Variants in RBPMS observed in about 807,000 individuals in gnomAD.
The protein encoded by RBPMS is RNA binding protein, mRNA processing factor.
RBPMS carries 7 observed loss-of-function variants against 26.8 expected under a neutral mutation model. That is an observed-to-expected ratio of 0.26 (90% CI 0.15 to 0.49). The LOEUF (loss-of-function observed/expected upper bound fraction) is 0.49, where lower values mean the gene tolerates loss of function less well. Among genes scored for constraint, RBPMS ranks in the 20% least tolerant of loss-of-function variants. The pLI, the probability that RBPMS is intolerant of heterozygous loss-of-function variation, is 0.98. For synonymous variants in RBPMS, 96 were observed against 93.3 expected (o/e 1.03, Z -0.17); for missense variants, 186 against 250.0 (o/e 0.74, Z 1.73).
At chr8:30,551,349 C>T (rs1341348064) in intron 6 of RBPMS, among the ~76,000 whole-genome samples, 2 of 152,200 alleles carry the variant, frequency 1.3e-5, no homozygotes, top group South Asian at 2.1e-4. Context: ...GTTCAGAAAC[C>T]AGAGTCGGTC....
chr8:30,567,517 CACTCACTCAA>C (rs1429427619), intron 8 of RBPMS, among the ~76,000 whole-genome samples: 1 of 152,222 alleles, frequency 6.6e-6, no homozygotes, highest in Non-Finnish European at 1.5e-5. Flanking sequence ...TAATGGTCAT[CACTCACTCAA>C]ACTTTTTTAA....
intron 6 of RBPMS, chr8:30,549,614 G>C (rs1452022666): frequency 1.3e-6 from 2 of 1,564,890 alleles, no homozygotes; most frequent in Non-Finnish European, 8.8e-7. Context: ...ACCTGGCTTA[G>C]CTCTCACAGG....
chr8:30,463,392 C>T (rs1350365281), intron 1 of RBPMS, among the ~76,000 whole-genome samples: 1 of 152,228 alleles, frequency 6.6e-6, no homozygotes, highest in Non-Finnish European at 1.5e-5. Flanking sequence ...GGGAGATCTG[C>T]TTCTAAGATG....
chr8:30,529,259 C>G (rs970348580), intron 5 of RBPMS, among the ~76,000 whole-genome samples: 2 of 151,800 alleles, frequency 1.3e-5, no homozygotes, highest in Non-Finnish European at 2.9e-5. Flanking sequence ...TGACATAAAC[C>G]TGCCATTTTT....
intron 5 of RBPMS, among the ~76,000 whole-genome samples, chr8:30,531,273 A>C (rs1824198416): frequency 6.6e-6 from 1 of 152,106 alleles, no homozygotes; most frequent in Non-Finnish European, 1.5e-5. Context: ...TTAGGGAGGG[A>C]AGAAACCCCA....
At chr8:30,534,091 G>A (rs974931924) in intron 5 of RBPMS, among the ~76,000 whole-genome samples, 1 of 151,028 alleles carries the variant, frequency 6.6e-6, no homozygotes, top group Middle Eastern at 3.2e-3. Flanking sequence ...CCGAAATTGC[G>A]CCACTGACTC....
chr8:30,530,199 T>C lies in RBPMS; in HGVS notation c.398-14295T>C, dbSNP rs180726550. 1.4e-4 allele frequency among the ~76,000 whole-genome samples: 22 copies of C among 152,294 alleles called. No homozygotes were observed. The East Asian group carries it at 1.9e-3, about 13-fold the overall frequency. ...GAGCCCAAGTTTTAACTGGAATGTATATTACAACACAAGCTGAGAACCACC... is the reference window on the plus strand; with the variant it reads ...GAGCCCAAGTTTTAACTGGAATGTACATTACAACACAAGCTGAGAACCACC... On this transcript the variant is annotated intron_variant, in intron 5 of 8. Transcript: ENST00000397323.
chr8:30,511,619 A>G (rs903031026), intron 5 of RBPMS, among the ~76,000 whole-genome samples: 5 of 149,014 alleles, frequency 3.4e-5, no homozygotes, highest in South Asian at 2.1e-4. Context: ...ATATATTTGT[A>G]TATATATGTG....
At chr8:30,459,467 T>C (rs1324518097) in intron 1 of RBPMS, among the ~76,000 whole-genome samples, 1 of 152,160 alleles carries the variant, frequency 6.6e-6, no homozygotes, top group African/African-American at 2.4e-5. Context: ...TTGTACAGTT[T>C]AAATAAATAT....
chr8:30,426,141 A>T (rs1440558819), intron 1 of RBPMS, among the ~76,000 whole-genome samples: 1 of 152,188 alleles, frequency 6.6e-6, no homozygotes, highest in African/African-American at 2.4e-5. Flanking sequence ...AGATGTGAGG[A>T]TTTTGACAGA....
At chr8:30,481,746 G>A (rs191910640) in intron 4 of RBPMS, among the ~76,000 whole-genome samples, 1 of 152,308 alleles carries the variant, frequency 6.6e-6, no homozygotes, top group East Asian at 1.9e-4. Flanking sequence ...GCCCAAAGCT[G>A]ACTTACATAA....
intron 5 of RBPMS, among the ~76,000 whole-genome samples, chr8:30,511,486 AAT>A (rs869100800): frequency 3.0e-4 from 7 of 23,574 alleles, no homozygotes; most frequent in South Asian, 8.8e-4. Flanking sequence ...AAAAAAAAAA[AAT>A]ATATATATAT....
intron 4 of RBPMS, among the ~76,000 whole-genome samples, chr8:30,501,964 A>G (rs939959231): frequency 1.3e-5 from 2 of 151,938 alleles, no homozygotes; most frequent in African/African-American, 4.8e-5. Flanking sequence ...TCATCCCTTA[A>G]CATTTAAAAT....
At chr8:30,507,094 C>T (rs989546600) in intron 5 of RBPMS, among the ~76,000 whole-genome samples, 1 of 152,104 alleles carries the variant, frequency 6.6e-6, no homozygotes, top group Non-Finnish European at 1.5e-5. Context: ...TCTATTTGTG[C>T]CAGGGATGGA....
At chr8:30,540,652 G>A (rs1187149538) in intron 5 of RBPMS, among the ~76,000 whole-genome samples, 1 of 152,186 alleles carries the variant, frequency 6.6e-6, no homozygotes, top group African/African-American at 2.4e-5. Context: ...TCAAATCCTG[G>A]GTCCAAGCGA....
At chr8:30,478,494 G>C (rs937539431) in intron 3 of RBPMS, among the ~76,000 whole-genome samples, 1 of 149,430 alleles carries the variant, frequency 6.7e-6, no homozygotes. Context: ...GCCTAATTAA[G>C]AATATGATTT....
chr8:30,470,256 C>T (rs944100113), intron 1 of RBPMS, among the ~76,000 whole-genome samples: 1 of 151,840 alleles, frequency 6.6e-6, no homozygotes, highest in African/African-American at 2.4e-5. Flanking sequence ...TGGTGGTGGG[C>T]ACCTGTAATC....
intron 1 of RBPMS, chr8:30,444,634 A>T (rs1473080538): frequency 6.6e-6 from 1 of 152,182 alleles, no homozygotes; most frequent in Non-Finnish European, 1.5e-5. Flanking sequence ...CTACATAAGT[A>T]TCTGTGTGTA....
Position 30,479,368 on chromosome 8 carries a change from TG to T in RBPMS, c.238del (p.Ala80LeufsTer2). The part of the protein sequence containing the change: ...SRSEAEAAKN[A>X]LNGIRFDPEI... The stretch of plus-strand genomic sequence containing the variant: ...GCTCAGAAGCAGAGGCTGCAAAGAA[TG>T]CTTTGAATGTAAGTACTAATGATGT... On this transcript the variant is annotated frameshift_variant, in exon 4 of 9. Transcript: ENST00000397323. LOFTEE classifies it high-confidence loss of function. The T allele has an allele frequency of 6.2e-7, 1 of 1,601,792 alleles. No homozygotes were observed. Among genetic ancestry groups the T allele is most frequent in the Non-Finnish European group, 8.5e-7 (1 of 1,174,600 alleles).
Sources: allele counts gnomAD v4.1 joint callset (sites outside exome capture counted in the v4.1 genomes callset), GRCh38; gene constraint gnomAD v4.1.1; transcripts MANE v1.5; gene names NCBI Gene and HGNC (gene_info 2026-07-23, HGNC 2026-07-21).